SLC29A3: variants seen among roughly 807,000 people sequenced by gnomAD.
The protein encoded by SLC29A3 is equilibrative nucleoside transporter 3.
SLC29A3 carries 18 observed loss-of-function variants against 25.4 expected under a neutral mutation model. The observed-to-expected ratio is 0.71, with a 90% CI of 0.49 to 1.05. SLC29A3 has a LOEUF of 1.05. Among genes scored for constraint, SLC29A3 ranks in the 50% least tolerant of loss-of-function variants. SLC29A3 has a pLI of 0.00. For synonymous variants in SLC29A3, 258 were observed against 267.1 expected (o/e 0.97, Z 0.33); for missense variants, 586 against 609.0 (o/e 0.96, Z 0.40).
downstream of SLC29A3, chr10:71,364,533 G>C (rs1847149690): frequency 6.6e-6 from 1 of 152,234 alleles, no homozygotes; most frequent in South Asian, 2.1e-4. Context: ...CAGACGAGGA[G>C]CTCTCTCTCA....
At chr10:71,322,034 TA>T (rs1284324372) in intron 1 of SLC29A3, among the ~76,000 whole-genome samples, 4 of 152,236 alleles carry the variant, frequency 2.6e-5, no homozygotes, top group Non-Finnish European at 4.4e-5. Flanking sequence ...TGAATTTTTT[TA>T]AATTTACACT....
At chr10:71,347,762 C>T (rs1023425924) in intron 3 of SLC29A3, among the ~76,000 whole-genome samples, 3 of 152,212 alleles carry the variant, frequency 2.0e-5, no homozygotes, top group Non-Finnish European at 4.4e-5. Flanking sequence ...CAGCGTTCCA[C>T]ACTGCATCGT....
At chr10:71,347,481 T>C (rs2131833229) in intron 3 of SLC29A3, among the ~76,000 whole-genome samples, 1 of 152,194 alleles carries the variant, frequency 6.6e-6, no homozygotes, top group African/African-American at 2.4e-5. Flanking sequence ...GTCTAGACTT[T>C]CCTAAGACCC....
chr10:71,351,614 T>G lies in SLC29A3; in HGVS notation c.436T>G (p.Phe146Val), dbSNP rs939760219. Reference protein sequence around the residue: ...LASLTVILAIFMVITALVKVD... With the variant: ...LASLTVILAIVMVITALVKVD... ...CTCACTGACGGTCATCCTGGCCATCTTCATGGTGATAACTGCACTGGTGAA... is the reference window on the plus strand; with the variant it reads ...CTCACTGACGGTCATCCTGGCCATCGTCATGGTGATAACTGCACTGGTGAA... The change falls in exon 4 of 6, where the codon TTC (phenylalanine) becomes GTC (valine). Residue 146 changes from phenylalanine (F) to valine (V), a missense_variant. Transcript: ENST00000373189. The G allele has an allele frequency of 1.9e-6, 3 of 1,614,252 alleles. No individual in the cohort carries two copies. Among genetic ancestry groups the G allele is most frequent in the Non-Finnish European group, 2.5e-6 (3 of 1,180,048 alleles).
intron 4 of SLC29A3, among the ~76,000 whole-genome samples, chr10:71,377,000 T>C (rs1432412239): frequency 1.3e-5 from 2 of 152,184 alleles, no homozygotes; most frequent in African/African-American, 4.8e-5. Context: ...GGTCTCGAAC[T>C]CCTGACCTCA....
intron 5 of SLC29A3, among the ~76,000 whole-genome samples, chr10:71,361,172 C>T (rs191380760): frequency 1.1e-4 from 17 of 152,198 alleles, no homozygotes; most frequent in Non-Finnish European, 1.9e-4. Context: ...GACAGGGTCT[C>T]GCTCTGTTAT....
At chr10:71,327,638 G>A (rs1846001906) in intron 2 of SLC29A3, among the ~76,000 whole-genome samples, 1 of 152,152 alleles carries the variant, frequency 6.6e-6, no homozygotes, top group African/African-American at 2.4e-5. Flanking sequence ...GGGCATTGAG[G>A]TGGACAGATG....
intron 2 of SLC29A3, among the ~76,000 whole-genome samples, chr10:71,335,818 G>A (rs1177426161): frequency 6.6e-6 from 1 of 152,054 alleles, no homozygotes; most frequent in Admixed American, 6.5e-5. Context: ...TATGGGTAGA[G>A]GTCATGAAGC....
chr10:71,341,709 G>A (rs927684118), intron 2 of SLC29A3, among the ~76,000 whole-genome samples: 2 of 152,212 alleles, frequency 1.3e-5, no homozygotes, highest in Non-Finnish European at 2.9e-5. Flanking sequence ...GGTTTCTGTG[G>A]GCCAGAAGTC....
chr10:71,329,637 C>G (rs1289424889), intron 2 of SLC29A3, among the ~76,000 whole-genome samples: 2 of 152,114 alleles, frequency 1.3e-5, no homozygotes, highest in Non-Finnish European at 2.9e-5. Context: ...GTAGTTCCAG[C>G]TACTCAGGAG....
intron 3 of SLC29A3, among the ~76,000 whole-genome samples, chr10:71,372,984 C>T (rs113790880): frequency 0.026 from 3,967 of 152,182 alleles, 185 homozygotes; most frequent in African/African-American, 0.09. Context: ...GGCTGGAAGG[C>T]GCTGTGATCT....
At chr10:71,341,451 T>C (rs1261872524) in intron 2 of SLC29A3, among the ~76,000 whole-genome samples, 3 of 152,164 alleles carry the variant, frequency 2.0e-5, no homozygotes, top group Non-Finnish European at 4.4e-5. Context: ...GCTAACCCTC[T>C]GTGCCCCTCA....
Position 71,351,695 on chromosome 10 carries a change from G to A in SLC29A3, c.517G>A (p.Val173Met), listed in dbSNP as rs752487563. The A allele has an allele frequency of 6.2e-6, 10 of 1,614,148 alleles. No individual in the cohort carries two copies. The highest frequency in any genetic ancestry group is 8.5e-6 in the Non-Finnish European group (10 of 1,180,012). The change falls in exon 4 of 6, where the codon GTG (valine) becomes ATG (methionine). Residue 173 changes from valine to methionine, a missense_variant. Val to Met is a conservative substitution (Grantham distance 21). Coordinates refer to ENST00000373189, the MANE Select transcript of SLC29A3 (RefSeq NM_018344.6). Reference sequence around the variant, plus strand: ...TTTTGCGGTCACCATTGTCTGCATGGTGATCCTCAGCGGTGCCTCCACTGT... The same window carrying A: ...TTTTGCGGTCACCATTGTCTGCATGATGATCCTCAGCGGTGCCTCCACTGT... ...GFFAVTIVCM[V>M]ILSGASTVFS... is the part of the protein sequence containing the mutation.
intron 4 of SLC29A3, among the ~76,000 whole-genome samples, chr10:71,354,421 A>G (rs971209925): frequency 5.3e-5 from 8 of 152,182 alleles, no homozygotes; most frequent in African/African-American, 1.9e-4. Context: ...CCCTCCCTCA[A>G]GTACTACCCA....
chr10:71,323,050 T>C lies in SLC29A3; in HGVS notation c.296T>C (p.Ile99Thr). 2 of 1,612,996 alleles carry C rather than the reference T, an allele frequency of 1.2e-6. No homozygotes were observed. The highest frequency in any genetic ancestry group is 1.7e-6 in the Non-Finnish European group (2 of 1,180,038). ...GGGGAGGACCCTGAGGGCTCAGACA[T>C]CCTGGTAAGGGCATGTTTCTCCTGC... ...ATGEDPEGSD[I>T]LNYFESYLAV... The change falls in exon 2 of 6, where the codon ATC (isoleucine) becomes ACC (threonine). Residue 99 changes from isoleucine (I) to threonine (T), a missense_variant. Physicochemically the swap from Ile to Thr is moderately conservative, Grantham distance 89. Coordinates refer to ENST00000373189, the MANE Select transcript of SLC29A3 (RefSeq NM_018344.6).
At chr10:71,363,732 C>CA (rs745496527), downstream of SLC29A3, among the ~76,000 whole-genome samples, 4 of 151,836 alleles carry the variant, frequency 2.6e-5, no homozygotes, top group Non-Finnish European at 5.9e-5. Flanking sequence ...CTCAGCTTCC[C>CA]AAAGTGCTGG....
chr10:71,326,247 T>C (rs971429606), intron 2 of SLC29A3, among the ~76,000 whole-genome samples: 2 of 152,152 alleles, frequency 1.3e-5, no homozygotes, highest in African/African-American at 4.8e-5. Context: ...AAGGAAGATA[T>C]TATAATACCA....
At chr10:71,329,041 C>T (rs1036627827) in intron 2 of SLC29A3, among the ~76,000 whole-genome samples, 9 of 152,198 alleles carry the variant, frequency 5.9e-5, no homozygotes, top group African/African-American at 2.2e-4. Context: ...TCAGAGGTTA[C>T]CAAGTCCCTG....
At chr10:71,376,155 T>C (rs1233221342) in intron 4 of SLC29A3, among the ~76,000 whole-genome samples, 3 of 152,240 alleles carry the variant, frequency 2.0e-5, no homozygotes, top group African/African-American at 7.2e-5. Context: ...CTGTCCTAAG[T>C]AAACACGGCA....
Sources: allele counts gnomAD v4.1 joint callset (sites outside exome capture counted in the v4.1 genomes callset), GRCh38; gene constraint gnomAD v4.1.1; transcripts MANE v1.5; gene names NCBI Gene and HGNC (gene_info 2026-07-23, HGNC 2026-07-21).